The following ADGRL2 variants were observed in gnomAD, a reference collection of about 807,000 sequenced individuals.
ADGRL2 encodes the protein calcium-independent alpha-latrotoxin receptor 2.
A neutral mutation model predicts 157.4 loss-of-function variants in ADGRL2; 44 were observed. The ratio of observed to expected loss-of-function variants is 0.28; its 90% CI spans 0.22 to 0.36. ADGRL2 has a LOEUF of 0.36. ADGRL2 is among the 10% of genes least tolerant of loss of function. The pLI, the probability that ADGRL2 is intolerant of heterozygous loss-of-function variation, is 1.00. For missense variants in ADGRL2, 1,510 were observed against 1,768.9 expected, an observed-to-expected ratio of 0.85 and a Z score of 2.63; for synonymous variants, 585 against 624.7, an observed-to-expected ratio of 0.94 and a Z score of 0.95.
At chr1:81,435,710 G>C (rs1376051432) in intron 1 of ADGRL2, among the ~76,000 whole-genome samples, 2 of 152,112 alleles carry the variant, frequency 1.3e-5, no homozygotes, top group African/African-American at 2.4e-5. Context: ...TCCTTGCTTT[G>C]CAAAAACTGT....
In ADGRL2 at chr1:81,356,543, ATC is replaced by A. The variant is rs144533528; in HGVS notation, c.-302+50038_-302+50039del. ...GTCTCATCCTCTTCTTTGTGAAGGAATCTCTGATTATTTTCTCTGCATTATGA... is the reference window on the plus strand; with the variant it reads ...GTCTCATCCTCTTCTTTGTGAAGGAATCTGATTATTTTCTCTGCATTATGA... On this transcript the variant is annotated intron_variant, in intron 1 of 24. Coordinates refer to the ADGRL2 transcript ENST00000370721. 9.1e-3 allele frequency among the ~76,000 whole-genome samples: 1,389 copies of A among 152,236 alleles called. 24 individuals carry two copies. Among genetic ancestry groups the A allele is most frequent in the African/African-American group, 0.032 (1,321 of 41,548 alleles).
intron 1 of ADGRL2, among the ~76,000 whole-genome samples, chr1:81,376,552 C>T (rs1181136157): frequency 6.6e-6 from 1 of 151,536 alleles, no homozygotes; most frequent in Non-Finnish European, 1.5e-5. Flanking sequence ...TTCTTCCTCC[C>T]TCCCTTCCTC....
At chr1:81,864,737 G>A (rs564801091) in intron 2 of ADGRL2, among the ~76,000 whole-genome samples, 26 of 152,208 alleles carry the variant, frequency 1.7e-4, no homozygotes, top group African/African-American at 5.3e-4. Context: ...TGAGGTGGGC[G>A]GATAACCGGA....
intron 3 of ADGRL2, among the ~76,000 whole-genome samples, chr1:81,650,819 T>G (rs1242666083): frequency 2.0e-5 from 3 of 152,206 alleles, no homozygotes; most frequent in Non-Finnish European, 2.9e-5. Context: ...CTTGAACTTT[T>G]GTACCCCATC....
chr1:81,423,702 A>G (rs2077165099), intron 1 of ADGRL2, among the ~76,000 whole-genome samples: 1 of 152,250 alleles, frequency 6.6e-6, no homozygotes, highest in African/African-American at 2.4e-5. Flanking sequence ...TAATGAAGAT[A>G]GAAGCTTCAG....
At chr1:81,756,297 A>G (rs2085687157) in intron 1 of ADGRL2, among the ~76,000 whole-genome samples, 1 of 149,882 alleles carries the variant, frequency 6.7e-6, no homozygotes, top group African/African-American at 2.5e-5. Flanking sequence ...TTAGGACAAC[A>G]CCAATTCTAT....
intron 2 of ADGRL2, chr1:81,502,558 G>T (rs74095564): frequency 1.2e-6 from 2 of 1,613,980 alleles, no homozygotes; most frequent in Admixed American, 1.7e-5. Context: ...TGACCGAGAA[G>T]GGGGGCCTGG....
intron 2 of ADGRL2, among the ~76,000 whole-genome samples, chr1:81,783,800 T>A (rs1571207770): frequency 6.6e-6 from 1 of 152,216 alleles, no homozygotes; most frequent in East Asian, 1.9e-4. Context: ...GGTATTTATA[T>A]AACAGCATTA....
Position 81,347,224 on chromosome 1 carries a change from C to T in ADGRL2, c.-302+40715C>T, listed in dbSNP as rs187618746. 1.4e-3 allele frequency among the ~76,000 whole-genome samples: 207 copies of T among 152,050 alleles called. 1 individual carries two copies. The highest frequency in any genetic ancestry group is 0.014 in the Middle Eastern group (4 of 294). On this transcript the variant is annotated intron_variant, in intron 1 of 24. Coordinates refer to the ADGRL2 transcript ENST00000370721. Reference sequence around the variant, plus strand: ...GACCAGCCTGTCCAACGTGGCAAAACGCTGTCTCTACTAAAAAACACAAAA... The same window carrying T: ...GACCAGCCTGTCCAACGTGGCAAAATGCTGTCTCTACTAAAAAACACAAAA...
intron 1 of ADGRL2, among the ~76,000 whole-genome samples, chr1:81,422,669 A>G (rs1557677785): frequency 6.6e-6 from 1 of 152,278 alleles, no homozygotes; most frequent in Non-Finnish European, 1.5e-5. Flanking sequence ...AAGAAATTAT[A>G]AGAGTCTGGA....
intron 2 of ADGRL2, among the ~76,000 whole-genome samples, chr1:81,848,998 T>C (rs1288846668): frequency 3.3e-5 from 5 of 151,978 alleles, no homozygotes; most frequent in Non-Finnish European, 7.4e-5. Context: ...AACAGGAAGC[T>C]CGTTTAATCC....
At chr1:81,394,540 T>C (rs2076620531) in intron 1 of ADGRL2, among the ~76,000 whole-genome samples, 1 of 152,190 alleles carries the variant, frequency 6.6e-6, no homozygotes, top group Non-Finnish European at 1.5e-5. Context: ...AATGACAGGA[T>C]TTTATTCTGT....
rs139855487 is a variant in ADGRL2 at position 81,355,316 on chromosome 1, A to G, written c.-302+48807A>G. Among the ~76,000 whole-genome samples the G allele has an allele frequency of 6.6e-3, 1,008 of 152,142 alleles. 13 individuals carry two copies. Among genetic ancestry groups the G allele is most frequent in the African/African-American group, 0.023 (946 of 41,500 alleles). On this transcript the variant is annotated intron_variant, in intron 1 of 24. Transcript: ENST00000370721. ...GGAGGCTGCCGTGAGCCGAGATTGCACCACTGCACTCCAGCCTGGGTGACA... is the reference window on the plus strand; with the variant it reads ...GGAGGCTGCCGTGAGCCGAGATTGCGCCACTGCACTCCAGCCTGGGTGACA...
intron 2 of ADGRL2, among the ~76,000 whole-genome samples, chr1:81,455,980 G>GT (rs2077796645): frequency 6.6e-6 from 1 of 152,128 alleles, no homozygotes; most frequent in South Asian, 2.1e-4. Flanking sequence ...AATTATAGTT[G>GT]TAAGTTTCAA....
chr1:81,466,541 G>A (rs946683520), intron 2 of ADGRL2, among the ~76,000 whole-genome samples: 8 of 152,042 alleles, frequency 5.3e-5, no homozygotes, highest in African/African-American at 1.5e-4. Flanking sequence ...CCACTTCTCA[G>A]TCTCACATTT....
chr1:81,862,057 C>G (rs954438990), intron 2 of ADGRL2, among the ~76,000 whole-genome samples: 1 of 151,976 alleles, frequency 6.6e-6, no homozygotes, highest in African/African-American at 2.4e-5. Flanking sequence ...AGAAATATTA[C>G]GTTTACGCTG....
chr1:81,730,767 A>G (rs1280528956), intron 1 of ADGRL2, among the ~76,000 whole-genome samples: 1 of 152,168 alleles, frequency 6.6e-6, no homozygotes, highest in Non-Finnish European at 1.5e-5. Context: ...AAACAAGTAG[A>G]GAACCACTGA....
At position 81,618,990 on chromosome 1, in the gene ADGRL2, C is replaced by T. The variant is rs866133442; in HGVS notation, c.-143+38010C>T. 2.0e-5 allele frequency among the ~76,000 whole-genome samples: 3 copies of T among 152,134 alleles called. No homozygotes were observed. The South Asian group carries it at 6.2e-4, about 32-fold the overall frequency. ...TTATCTCTTTTCTTTTCTGTTAACT[C>T]TAAAATGGAATCCTTTAAAATGAAG... On this transcript the variant is annotated intron_variant, in intron 3 of 24. Transcript: ENST00000370721.
intron 1 of ADGRL2, among the ~76,000 whole-genome samples, chr1:81,350,834 C>A (rs1662827753): frequency 6.6e-6 from 1 of 152,158 alleles, no homozygotes; most frequent in East Asian, 1.9e-4. Context: ...TTGACATTAT[C>A]GCAATAGCAT....
Sources: allele counts gnomAD v4.1 joint callset (sites outside exome capture counted in the v4.1 genomes callset), GRCh38; gene constraint gnomAD v4.1.1; transcripts MANE v1.5; gene names NCBI Gene and HGNC (gene_info 2026-07-23, HGNC 2026-07-21).